Variants in USP54 observed in about 807,000 individuals in gnomAD.
USP54 encodes ubiquitin carboxyl-terminal hydrolase 54.
A neutral mutation model predicts 170.5 loss-of-function variants in USP54; 87 were observed. The ratio of observed to expected loss-of-function variants is 0.51; its 90% CI spans 0.43 to 0.61. USP54 has a LOEUF of 0.61. Among genes scored for constraint, USP54 ranks in the 20% least tolerant of loss-of-function variants. The pLI is 0.00. For synonymous variants in USP54, 655 were observed against 742.8 expected, an observed-to-expected ratio of 0.88 and a Z score of 1.92; for missense variants, 1,786 against 2,047.8, an observed-to-expected ratio of 0.87 and a Z score of 2.47.
chr10:73,582,303 A>G (rs1045487358), intron 1 of USP54, among the ~76,000 whole-genome samples: 2 of 152,184 alleles, frequency 1.3e-5, no homozygotes. Flanking sequence ...AAATCAATGA[A>G]GACTAGATAG....
rs927522013 is a variant in USP54, at chr10:73,591,335, C to T, written c.-639G>A. The T allele has an allele frequency of 6.6e-6, 1 of 152,000 alleles. No individual in the cohort carries two copies. The highest frequency in any genetic ancestry group is 2.4e-5 in the African/African-American group (1 of 41,340). The allele number at this position is 152,000 out of a possible 1,614,324, so 9.4% of individuals were successfully genotyped here. A position where few individuals can be genotyped will look rare whatever the true frequency, so the allele number is the denominator to read the frequency against. On this transcript the variant is annotated 5_prime_UTR_variant, in exon 1 of 24. Coordinates refer to ENST00000687698, the MANE Select transcript of USP54 (RefSeq NM_001391956.1). ...TCTAATCACGAGGGTATCTGTGGGG[C>T]AAGTGATACAAGAATGGGGAGGGAT...
intron 1 of USP54, among the ~76,000 whole-genome samples, chr10:73,599,758 T>C (rs2079017838): frequency 6.6e-6 from 1 of 152,172 alleles, no homozygotes; most frequent in Non-Finnish European, 1.5e-5. Flanking sequence ...GTAAGAGTTT[T>C]ACAATTTCTC....
intron 1 of USP54, among the ~76,000 whole-genome samples, chr10:73,601,557 C>T (rs781198873): frequency 1.3e-5 from 2 of 151,500 alleles, no homozygotes; most frequent in Admixed American, 6.6e-5. Context: ...TCAATCATTT[C>T]CTGCTTCTCC....
chr10:73,544,106 C>T (rs918533798), intron 5 of USP54, among the ~76,000 whole-genome samples: 1 of 152,100 alleles, frequency 6.6e-6, no homozygotes, highest in Non-Finnish European at 1.5e-5. Flanking sequence ...CCACGCCTGG[C>T]TAAGTTTTGT....
chr10:73,551,053 C>T (rs12247991), intron 4 of USP54, among the ~76,000 whole-genome samples: 2,292 of 152,132 alleles, frequency 0.015, 63 homozygotes, highest in African/African-American at 0.052. Context: ...TGCAGTGAGC[C>T]GAGATTGCAT....
At chr10:73,596,075 C>T (rs1459891978), upstream of USP54, among the ~76,000 whole-genome samples, 1 of 148,696 alleles carries the variant, frequency 6.7e-6, no homozygotes, top group Non-Finnish European at 1.5e-5. Context: ...GGTGCCACCG[C>T]ACTCCAGCCT....
rs745923551 is a variant in USP54 at position 73,504,855 on chromosome 10, T to C, written c.4306A>G (p.Ser1436Gly). ...EREEAPVSSH[S>G]FDSSNVRKPL... ...TGGACCCTGATTCTACTTACAAAAC[T>C]GTGGGAAGAAACCGGAGCTTCCTCC... Residue 1436 changes from serine (S) to glycine (G), a missense_variant, in exon 22 of 24, where the codon AGT becomes GGT. By Grantham distance (56) the Ser-to-Gly change is moderately conservative. This residue lies in a region of USP54 where 1,418 missense variants were observed against 1,569.0 expected (regional missense o/e 0.90). Coordinates refer to ENST00000687698, the MANE Select transcript of USP54 (RefSeq NM_001391956.1). 22 of 1,614,162 alleles carry C rather than the reference T, an allele frequency of 1.4e-5. No individual in the cohort carries two copies. The highest frequency in any genetic ancestry group is 1.7e-5 in the Non-Finnish European group (20 of 1,180,032).
intron 1 of USP54, among the ~76,000 whole-genome samples, chr10:73,590,638 T>A (rs1344360606): frequency 3.9e-5 from 6 of 152,186 alleles, no homozygotes; most frequent in Admixed American, 3.9e-4. Flanking sequence ...ATCATAGGCC[T>A]CATGCCTCAA....
intron 1 of USP54, among the ~76,000 whole-genome samples, chr10:73,585,042 T>C (rs1276978868): frequency 6.6e-6 from 1 of 152,182 alleles, no homozygotes; most frequent in Non-Finnish European, 1.5e-5. Flanking sequence ...ATTTAATGGC[T>C]CCTAGAGGGA....
rs538495626 is a variant in USP54 at position 73,515,055 on chromosome 10, T to A, written c.4051+1320A>T. 3.4e-4 allele frequency among the ~76,000 whole-genome samples: 50 copies of A among 148,916 alleles called. No individual in the cohort carries two copies. In the South Asian group the frequency reaches 5.5e-3, roughly 17 times the overall value. On this transcript the variant is annotated intron_variant, in intron 20 of 23. Coordinates refer to ENST00000687698, the MANE Select transcript of USP54 (RefSeq NM_001391956.1). Reference sequence around the variant, plus strand: ...AACTCTTCTCAGAAAAAAAAAAAAATGAATAAAAAATCAAATCTTATATTT... The same window carrying A: ...AACTCTTCTCAGAAAAAAAAAAAAAAGAATAAAAAATCAAATCTTATATTT...
At chr10:73,540,548 C>A (rs886381552) in intron 9 of USP54, among the ~76,000 whole-genome samples, 1 of 152,048 alleles carries the variant, frequency 6.6e-6, no homozygotes, top group East Asian at 1.9e-4. Flanking sequence ...CCAGCCTGGG[C>A]GACAGAGCAA....
chr10:73,594,089 G>A (rs1300122890), upstream of USP54, among the ~76,000 whole-genome samples: 2 of 147,966 alleles, frequency 1.4e-5, no homozygotes, highest in African/African-American at 5.0e-5. Context: ...TTTTTTTTTT[G>A]AGTCCAAGTC....
intron 20 of USP54, chr10:73,507,065 A>G (rs908834353): frequency 1.3e-5 from 2 of 152,120 alleles, no homozygotes; most frequent in African/African-American, 4.8e-5. Flanking sequence ...ACTGAGTTAA[A>G]CTAGATGATT....
chr10:73,567,873 T>C (rs1276925766), intron 4 of USP54, among the ~76,000 whole-genome samples: 2 of 152,218 alleles, frequency 1.3e-5, no homozygotes, highest in South Asian at 2.1e-4. Flanking sequence ...GACTAGAATC[T>C]AGTTCAGTGA....
At chr10:73,529,481 A>T in intron 15 of USP54, 199 bp downstream of exon 15, 1 of 659,668 alleles carries the variant, frequency 1.5e-6, no homozygotes, top group Non-Finnish European at 2.7e-6. Context: ...ACTGTATTTC[A>T]AATAGAAAGT....
At chr10:73,605,893 G>A (rs1172146028) in intron 1 of USP54, among the ~76,000 whole-genome samples, 6 of 151,952 alleles carry the variant, frequency 3.9e-5, no homozygotes, top group Non-Finnish European at 7.4e-5. Flanking sequence ...GATGAAACAG[G>A]GTGGGCAGGT....
chr10:73,536,653 G>T (rs1006642982), intron 10 of USP54, among the ~76,000 whole-genome samples: 1 of 152,040 alleles, frequency 6.6e-6, no homozygotes, highest in Non-Finnish European at 1.5e-5. Flanking sequence ...AATCCTATAG[G>T]AGAATAAAAG....
At chr10:73,609,639 A>G (rs1286856271) in intron 1 of USP54, among the ~76,000 whole-genome samples, 1 of 151,880 alleles carries the variant, frequency 6.6e-6, no homozygotes, top group East Asian at 1.9e-4. Context: ...AAGTCAGGAG[A>G]TCGAGACCAT....
At chr10:73,507,713 C>T (rs7916909) in intron 20 of USP54, among the ~76,000 whole-genome samples, 6,717 of 149,980 alleles carry the variant, frequency 0.045, 467 homozygotes, top group African/African-American at 0.15. Context: ...TATGGCTGGC[C>T]GTGGTAGCTC....
Sources: gnomAD v4.1 joint callset for allele counts (sites outside exome capture counted in the v4.1 genomes callset) on GRCh38, gnomAD v4.1.1 for gene constraint, gnomAD v4.1.1 regional missense constraint, MANE v1.5 for transcripts, NCBI Gene and HGNC (gene_info 2026-07-23, HGNC 2026-07-21) for gene names.